Variants in LHFPL3 observed in about 807,000 individuals in gnomAD.
The protein encoded by LHFPL3 is LHFPL tetraspan subfamily member 3, also known as LHFPL tetraspan subfamily member 3 protein.
A neutral mutation model predicts 19.3 loss-of-function variants in LHFPL3; 5 were observed. The ratio of observed to expected loss-of-function variants is 0.26; its 90% CI spans 0.14 to 0.54. The LOEUF (loss-of-function observed/expected upper bound fraction) is 0.54, where lower values mean the gene tolerates loss of function less well. Ranked by LOEUF, LHFPL3 falls within the 20% of genes least tolerant of loss-of-function variation. The probability of loss-of-function intolerance (pLI) is 0.94; values close to 1 mark genes in which losing one functional copy is unlikely to be tolerated. For synonymous variants in LHFPL3, 133 were observed against 126.2 expected (o/e 1.05, Z -0.36); for missense variants, 249 against 307.4 (o/e 0.81, Z 1.42).
intron 1 of LHFPL3, among the ~76,000 whole-genome samples, chr7:104,381,750 T>G (rs148817049): frequency 2.9e-4 from 44 of 152,348 alleles, no homozygotes; most frequent in African/African-American, 9.9e-4. Context: ...ATCATCCATT[T>G]ACATTCTACC....
chr7:104,614,682 T>TCCTTC (rs1489563968), intron 1 of LHFPL3, among the ~76,000 whole-genome samples: 3 of 97,700 alleles, frequency 3.1e-5, no homozygotes, highest in Non-Finnish European at 6.1e-5. Flanking sequence ...CTTCCTTCCT[T>TCCTTC]CTTTCTTTCT....
intron 1 of LHFPL3, among the ~76,000 whole-genome samples, chr7:104,345,040 ATTTC>A (rs1362259708): frequency 6.6e-6 from 1 of 152,118 alleles, no homozygotes; most frequent in African/African-American, 2.4e-5. Flanking sequence ...TGAGACTGGT[ATTTC>A]TTTATGGAAG....
chr7:104,524,993 C>T (rs1794158567), intron 1 of LHFPL3, among the ~76,000 whole-genome samples: 1 of 152,178 alleles, frequency 6.6e-6, no homozygotes, highest in South Asian at 2.1e-4. Flanking sequence ...GGGAAATGTG[C>T]TGTGACCATA....
chr7:104,845,748 G>A (rs1476799586), intron 2 of LHFPL3, among the ~76,000 whole-genome samples: 1 of 152,178 alleles, frequency 6.6e-6, no homozygotes, highest in African/African-American at 2.4e-5. Flanking sequence ...TAGGATTCTA[G>A]GCATGTGTCC....
intron 2 of LHFPL3, among the ~76,000 whole-genome samples, chr7:104,754,240 A>T (rs1311505046): frequency 6.6e-6 from 1 of 152,254 alleles, no homozygotes; most frequent in Non-Finnish European, 1.5e-5. Flanking sequence ...AAAAAGAAAC[A>T]GAATAAAATA....
At chr7:104,848,075 A>G (rs562314391) in intron 2 of LHFPL3, among the ~76,000 whole-genome samples, 41 of 152,324 alleles carry the variant, frequency 2.7e-4, no homozygotes, top group Admixed American at 4.6e-4. Context: ...AAATAGCACC[A>G]CAAAGAGCTA....
At chr7:104,869,704 C>G (rs1372975302) in intron 2 of LHFPL3, among the ~76,000 whole-genome samples, 1 of 152,128 alleles carries the variant, frequency 6.6e-6, no homozygotes, top group Non-Finnish European at 1.5e-5. Flanking sequence ...GGATCTAGAA[C>G]TAGAAATACC....
chr7:104,668,432 T>C (rs1249682175), intron 1 of LHFPL3: 1 of 1,608,292 alleles, frequency 6.2e-7, no homozygotes, highest in Non-Finnish European at 8.5e-7. Flanking sequence ...GAGATCGTTA[T>C]GATTCAGACC....
chr7:104,811,150 T>TTTTC (rs543375649), intron 2 of LHFPL3, among the ~76,000 whole-genome samples: 1 of 132,414 alleles, frequency 7.6e-6, no homozygotes, highest in African/African-American at 2.8e-5. Flanking sequence ...CTTTCTTTCT[T>TTTTC]TTTCTTTCTT....
At chr7:104,668,469 C>T in intron 1 of LHFPL3, 1 of 1,612,362 alleles carries the variant, frequency 6.2e-7, no homozygotes, top group South Asian at 1.1e-5. Context: ...TCGGGATGGC[C>T]CACGCCGGGA....
intron 1 of LHFPL3, among the ~76,000 whole-genome samples, chr7:104,373,205 C>T (rs1014425004): frequency 5.9e-5 from 9 of 152,046 alleles, no homozygotes; most frequent in African/African-American, 2.2e-4. Context: ...TAATGTATCC[C>T]TTTGGTATAT....
intron 1 of LHFPL3, among the ~76,000 whole-genome samples, chr7:104,731,488 G>A (rs1210327207): frequency 1.3e-5 from 2 of 152,168 alleles, no homozygotes; most frequent in Non-Finnish European, 2.9e-5. Flanking sequence ...TGAAGCAATT[G>A]TGAATGGGAG....
intron 1 of LHFPL3, among the ~76,000 whole-genome samples, chr7:104,581,821 C>G (rs2193204): frequency 0.045 from 6,796 of 152,022 alleles, 177 homozygotes; most frequent in African/African-American, 0.065. Flanking sequence ...TTTCAGCTCT[C>G]TATTTGGTTT....
At chr7:104,868,521 A>T (rs1479208404) in intron 2 of LHFPL3, among the ~76,000 whole-genome samples, 16 of 152,352 alleles carry the variant, frequency 1.1e-4, no homozygotes, top group Non-Finnish European at 1.5e-4. Flanking sequence ...CTTACAAGGG[A>T]CGTGAAGGAC....
chr7:104,457,020 A>C (rs918135777), intron 1 of LHFPL3, among the ~76,000 whole-genome samples: 2 of 152,202 alleles, frequency 1.3e-5, no homozygotes, highest in Non-Finnish European at 2.9e-5. Flanking sequence ...AACTCTGATT[A>C]AGTTAGGAGA....
chr7:104,339,722 C>T (rs1051469415), intron 1 of LHFPL3, among the ~76,000 whole-genome samples: 3 of 152,188 alleles, frequency 2.0e-5, no homozygotes, highest in African/African-American at 7.2e-5. Flanking sequence ...AGAATTTCCT[C>T]GTCAAGCATA....
chr7:104,435,135 A>C (rs1441755281), intron 1 of LHFPL3, among the ~76,000 whole-genome samples: 1 of 151,998 alleles, frequency 6.6e-6, no homozygotes, highest in Admixed American at 6.6e-5. Context: ...TGTTTTCCAT[A>C]ATGTTCTCTT....
intron 1 of LHFPL3, among the ~76,000 whole-genome samples, chr7:104,525,235 C>T (rs1448244520): frequency 6.6e-6 from 1 of 152,186 alleles, no homozygotes; most frequent in Non-Finnish European, 1.5e-5. Flanking sequence ...ACTTTTTAAA[C>T]TACTCATGTC....
chr7:104,826,930 A>G (rs1790831686), intron 2 of LHFPL3: 2 of 152,004 alleles, frequency 1.3e-5, no homozygotes, highest in African/African-American at 4.8e-5. Flanking sequence ...TGGAGACATA[A>G]TTGTTTTTTC....
Sources: gnomAD v4.1 joint callset for allele counts (sites outside exome capture counted in the v4.1 genomes callset) on GRCh38, gnomAD v4.1.1 for gene constraint, MANE v1.5 for transcripts, NCBI Gene and HGNC (gene_info 2026-07-23, HGNC 2026-07-21) for gene names.